Variants in PCDH15 observed in about 807,000 individuals in gnomAD.
PCDH15 encodes protocadherin-15.
A neutral mutation model predicts 178.5 loss-of-function variants in PCDH15; 129 were observed. That is an observed-to-expected ratio of 0.72 (90% CI 0.63 to 0.84). PCDH15 has a LOEUF of 0.84. Ranked by LOEUF, PCDH15 falls within the 40% of genes least tolerant of loss-of-function variation. PCDH15 has a pLI of 0.00. For synonymous variants in PCDH15, 800 were observed against 732.0 expected, an observed-to-expected ratio of 1.09 and a Z score of -1.50; for missense variants, 2,230 against 2,099.9, an observed-to-expected ratio of 1.06 and a Z score of -1.21.
intron 2 of PCDH15, chr10:55,512,860 T>G (rs1240592344): frequency 6.6e-6 from 1 of 152,108 alleles, no homozygotes; most frequent in Non-Finnish European, 1.5e-5. Flanking sequence ...GAAACCAAGA[T>G]GACAATGGCA....
intron 2 of PCDH15, among the ~76,000 whole-genome samples, chr10:55,406,202 T>C (rs1838194497): frequency 6.6e-6 from 1 of 151,986 alleles, no homozygotes; most frequent in East Asian, 1.9e-4. Flanking sequence ...TACGATCCTG[T>C]ATGCATGAGA....
At chr10:55,161,348 C>T (rs1472469088) in intron 2 of PCDH15, among the ~76,000 whole-genome samples, 2 of 152,116 alleles carry the variant, frequency 1.3e-5, no homozygotes. Context: ...CCAAATCAGA[C>T]ATTTTTTAAA....
intron 14 of PCDH15, among the ~76,000 whole-genome samples, chr10:54,139,064 A>G (rs2043144909): frequency 6.6e-6 from 1 of 152,192 alleles, no homozygotes; most frequent in Non-Finnish European, 1.5e-5. Flanking sequence ...AATTGTCAGC[A>G]TACATTTTTG....
chr10:54,080,809 A>G (rs960113672), intron 16 of PCDH15, among the ~76,000 whole-genome samples: 1 of 152,200 alleles, frequency 6.6e-6, no homozygotes, highest in Admixed American at 6.6e-5. Flanking sequence ...GTTCACAACA[A>G]TTAAGTTTGG....
intron 2 of PCDH15, among the ~76,000 whole-genome samples, chr10:54,578,580 T>TA (rs1316527604): frequency 6.6e-6 from 1 of 152,132 alleles, no homozygotes; most frequent in African/African-American, 2.4e-5. Flanking sequence ...CCAAGTCAGT[T>TA]AGCTGGTGTC....
chr10:55,467,966 C>CAAAAAAAAAAAAAAAAAAAAAAAAAA (rs71463104), intron 2 of PCDH15, among the ~76,000 whole-genome samples: 5 of 36,636 alleles, frequency 1.4e-4, no homozygotes, highest in Non-Finnish European at 1.8e-4. Context: ...GACTCCGTCT[C>CAAAAAAAAAAAAAAAAAAAAAAAAAA]AAAAAAAAAA....
intron 3 of PCDH15, among the ~76,000 whole-genome samples, chr10:54,491,956 G>A (rs139120723): frequency 4.6e-5 from 7 of 152,178 alleles, no homozygotes; most frequent in East Asian, 3.9e-4. Context: ...AAGCACCCAC[G>A]GTGATCCAAA....
intron 21 of PCDH15, among the ~76,000 whole-genome samples, chr10:53,988,057 A>T (rs1273292419): frequency 2.0e-5 from 3 of 152,162 alleles, no homozygotes; most frequent in Non-Finnish European, 2.9e-5. Context: ...TCTTAGTCTG[A>T]TATTTTCTGC....
chr10:55,448,486 C>T (rs1020275663), intron 2 of PCDH15, among the ~76,000 whole-genome samples: 2 of 151,802 alleles, frequency 1.3e-5, no homozygotes, highest in Non-Finnish European at 2.9e-5. Context: ...ATATGGGGCC[C>T]GTGAATAATT....
At chr10:54,562,961 C>T (rs1275844855) in intron 2 of PCDH15, among the ~76,000 whole-genome samples, 2 of 152,080 alleles carry the variant, frequency 1.3e-5, no homozygotes, top group African/African-American at 2.4e-5. Context: ...GTTTGTTGGA[C>T]TTAACCTTTT....
chr10:54,428,112 A>G (rs1186564522), intron 3 of PCDH15, among the ~76,000 whole-genome samples: 3 of 152,218 alleles, frequency 2.0e-5, no homozygotes, highest in Non-Finnish European at 4.4e-5. Context: ...GAACACATCA[A>G]TCCCACACTC....
At chr10:54,802,764 TA>T (rs903060481), upstream of PCDH15, among the ~76,000 whole-genome samples, 1 of 152,176 alleles carries the variant, frequency 6.6e-6, no homozygotes, top group African/African-American at 2.4e-5. Flanking sequence ...TCAGTAACCA[TA>T]AGAATTATTA....
intron 2 of PCDH15, among the ~76,000 whole-genome samples, chr10:55,075,873 G>T (rs1841874599): frequency 6.6e-6 from 1 of 151,972 alleles, no homozygotes; most frequent in African/African-American, 2.4e-5. Context: ...AGTATTCAGT[G>T]TTATAAACTA....
chr10:55,472,599 C>T (rs1168900684), intron 2 of PCDH15, among the ~76,000 whole-genome samples: 2 of 151,770 alleles, frequency 1.3e-5, no homozygotes, highest in South Asian at 2.1e-4. Context: ...GACGGAGTCT[C>T]GCTCTGTCGC....
chr10:53,957,517 C>A (rs199937634), intron 23 of PCDH15, among the ~76,000 whole-genome samples: 11 of 37,010 alleles, frequency 3.0e-4, no homozygotes, highest in African/African-American at 7.0e-4. Flanking sequence ...TTTTTTTTTT[C>A]CTGATAACCC....
At chr10:55,360,508 AC>A (rs1442384567) in intron 2 of PCDH15, among the ~76,000 whole-genome samples, 1 of 152,002 alleles carries the variant, frequency 6.6e-6, no homozygotes, top group Non-Finnish European at 1.5e-5. Flanking sequence ...TGTAACAACA[AC>A]AAAACAACAA....
chr10:54,688,776 G>A (rs189079276), intron 1 of PCDH15, among the ~76,000 whole-genome samples: 41 of 152,124 alleles, frequency 2.7e-4, no homozygotes, highest in Middle Eastern at 3.4e-3. Context: ...AACTCTGAAA[G>A]GCAATTACTT....
chr10:54,085,340 A>G (rs11004056), intron 16 of PCDH15, among the ~76,000 whole-genome samples: 4,118 of 152,192 alleles, frequency 0.027, 183 homozygotes, highest in African/African-American at 0.09. Flanking sequence ...AAATTCTCTT[A>G]TTTAGCACTG....
chr10:55,358,329 G>C (rs1456635970), intron 2 of PCDH15, among the ~76,000 whole-genome samples: 8 of 152,090 alleles, frequency 5.3e-5, no homozygotes, highest in Admixed American at 5.2e-4. Flanking sequence ...AGAAATGTTA[G>C]TTATGTAAGG....
Sources: gnomAD v4.1 joint callset for allele counts (sites outside exome capture counted in the v4.1 genomes callset) on GRCh38, gnomAD v4.1.1 for gene constraint, MANE v1.5 for transcripts, NCBI Gene and HGNC (gene_info 2026-07-23, HGNC 2026-07-21) for gene names.